Variants in NPAS3 observed in about 807,000 individuals in gnomAD.
The protein encoded by NPAS3 is neuronal PAS domain protein 3, also known as neuronal PAS domain-containing protein 3.
Under a neutral mutation model 73.1 loss-of-function variants are expected in NPAS3, and 14 were observed. That is an observed-to-expected ratio of 0.19 (90% CI 0.13 to 0.30). The LOEUF (loss-of-function observed/expected upper bound fraction) is 0.30, where lower values mean the gene tolerates loss of function less well. NPAS3 is among the 10% of genes least tolerant of loss of function. The probability of loss-of-function intolerance (pLI) is 1.00; values close to 1 mark genes in which losing one functional copy is unlikely to be tolerated. For synonymous variants in NPAS3, 620 were observed against 541.5 expected (o/e 1.14, Z -2.01); for missense variants, 1,096 against 1,250.0 (o/e 0.88, Z 1.86).
intron 2 of NPAS3, among the ~76,000 whole-genome samples, chr14:33,093,680 T>C (rs907830394): frequency 6.6e-6 from 1 of 152,178 alleles, no homozygotes. Flanking sequence ...GTATGTTTAT[T>C]GGGGCACTAT....
intron 1 of NPAS3, among the ~76,000 whole-genome samples, chr14:32,975,559 T>C (rs2037630459): frequency 1.3e-5 from 2 of 152,238 alleles, no homozygotes; most frequent in African/African-American, 4.8e-5. Context: ...TTGTTGATGT[T>C]GCCAACAAAG....
rs117252054 is a variant in NPAS3, at chr14:33,016,148, C to A, written c.51-39757C>A. Among the ~76,000 whole-genome samples the A allele has an allele frequency of 3.3e-5, 5 of 152,016 alleles. No homozygotes were observed. The South Asian group carries it at 8.3e-4, about 25-fold the overall frequency. On this transcript the variant is annotated intron_variant, in intron 1 of 11. Coordinates refer to ENST00000356141, the Ensembl canonical transcript of NPAS3. ...GAGGAAACGATGGAATAATTGAATA[C>A]CCTCAACTTAATTCTAAATTAAGGG...
At chr14:33,565,047 A>G (rs2055858295) in intron 5 of NPAS3, among the ~76,000 whole-genome samples, 1 of 152,206 alleles carries the variant, frequency 6.6e-6, no homozygotes. Flanking sequence ...GCCAGCCAGA[A>G]GGTAGCTGCA....
At chr14:32,941,309 C>CCTTCCTTCAT (rs1355187189) in intron 1 of NPAS3, among the ~76,000 whole-genome samples, 1 of 6,868 alleles carries the variant, frequency 1.5e-4, no homozygotes, top group African/African-American at 6.9e-4. Context: ...CCCTCCCTCC[C>CCTTCCTTCAT]TCCTTCCTTC....
At chr14:33,007,237 A>C (rs2039031513) in intron 1 of NPAS3, among the ~76,000 whole-genome samples, 1 of 152,218 alleles carries the variant, frequency 6.6e-6, no homozygotes, top group Non-Finnish European at 1.5e-5. Flanking sequence ...CGGCGCAAGC[A>C]TCCTGGATGC....
At position 33,223,148 on chromosome 14, in the gene NPAS3, A is replaced by G. The variant is rs146330056; in HGVS notation, c.385+7722A>G. Among the ~76,000 whole-genome samples, 908 of 152,160 alleles carry G rather than the reference A, an allele frequency of 6.0e-3. 4 individuals carry two copies. The highest frequency in any genetic ancestry group is 0.051 in the Middle Eastern group (15 of 294). On this transcript the variant is annotated intron_variant, in intron 3 of 11. Transcript: ENST00000356141. ...AACATGGTGAAACTCCATCTCTACT[A>G]AAAAATACAAAAATTAGCCAGGTGT...
chr14:33,286,871 T>C (rs1043935659), intron 3 of NPAS3, among the ~76,000 whole-genome samples: 3 of 152,146 alleles, frequency 2.0e-5, no homozygotes, highest in South Asian at 4.1e-4. Flanking sequence ...AGTGAAAATA[T>C]GATATTTCTC....
At chr14:33,630,257 C>T (rs1211523309) in intron 5 of NPAS3, among the ~76,000 whole-genome samples, 1 of 152,112 alleles carries the variant, frequency 6.6e-6, no homozygotes, top group Non-Finnish European at 1.5e-5. Flanking sequence ...GTCTCTTTTG[C>T]ACAACTTGTG....
At position 33,365,201 on chromosome 14, in the gene NPAS3, C is replaced by CAAAAAAAAAAAAAAAAA. The variant is rs371230319; in HGVS notation, c.386-1980_386-1964dup. 2.7e-4 allele frequency among the ~76,000 whole-genome samples: 12 copies of CAAAAAAAAAAAAAAAAA among 45,074 alleles called. 3 individuals are homozygous for CAAAAAAAAAAAAAAAAA. The highest frequency in any genetic ancestry group is 8.6e-4 in the African/African-American group (8 of 9,330). The allele number at this position is 45,074 out of a possible 152,430, so 29.6% of individuals were successfully genotyped here. On this transcript the variant is annotated intron_variant, in intron 3 of 11. Coordinates refer to ENST00000356141, the Ensembl canonical transcript of NPAS3. ...CAAAAGCCACCCACCCCCATAATCT[C>CAAAAAAAAAAAAAAAAA]AAAAAAAAAAAAAAAAAAAAAGGCT...
chr14:33,160,417 A>G (rs17100283), intron 2 of NPAS3, among the ~76,000 whole-genome samples: 29,943 of 149,108 alleles, frequency 0.2, 3,080 homozygotes, highest in East Asian at 0.24. Context: ...ACTCTGAATT[A>G]ATAGTTTGAT....
intron 3 of NPAS3, among the ~76,000 whole-genome samples, chr14:33,289,716 G>A (rs933884589): frequency 1.3e-5 from 2 of 152,102 alleles, no homozygotes; most frequent in South Asian, 2.1e-4. Flanking sequence ...CAGCTATTCA[G>A]GAGGCTGAGG....
chr14:33,111,168 T>C (rs1001605334), intron 2 of NPAS3, among the ~76,000 whole-genome samples: 12 of 152,164 alleles, frequency 7.9e-5, no homozygotes, highest in African/African-American at 2.9e-4. Flanking sequence ...GGGGTGATAC[T>C]CACTGAGCCA....
intron 4 of NPAS3, among the ~76,000 whole-genome samples, chr14:33,515,167 G>T (rs751113782): frequency 2.6e-5 from 4 of 152,012 alleles, no homozygotes; most frequent in Non-Finnish European, 5.9e-5. Flanking sequence ...ACATAGCATG[G>T]CTACTTCCAC....
chr14:33,229,394 CA>C (rs759126346), intron 3 of NPAS3, among the ~76,000 whole-genome samples: 5 of 152,086 alleles, frequency 3.3e-5, no homozygotes, highest in Non-Finnish European at 5.9e-5. Context: ...ATAGAAAGAT[CA>C]AAAGAGTAGC....
chr14:33,007,858 T>A (rs1162653802), intron 1 of NPAS3, among the ~76,000 whole-genome samples: 1 of 152,180 alleles, frequency 6.6e-6, no homozygotes. Flanking sequence ...TGAGTGTGGC[T>A]GTGTTCCAAT....
Position 33,358,830 on chromosome 14 carries a change from T to C in NPAS3, c.386-8356T>C, listed in dbSNP as rs2045462826. The stretch of plus-strand genomic sequence containing the variant: ...TATAAGTGGAAATAGGAGCCTGGCT[T>C]ATATCCCTAGCACCTTGGTCAACAG... On this transcript the variant is annotated intron_variant, in intron 3 of 11. Coordinates refer to ENST00000356141, the Ensembl canonical transcript of NPAS3. Among the ~76,000 whole-genome samples, 3 of 152,222 alleles carry C rather than the reference T, an allele frequency of 2.0e-5. No homozygotes were observed. The South Asian group carries it at 6.2e-4, about 32-fold the overall frequency.
intron 6 of NPAS3, among the ~76,000 whole-genome samples, chr14:33,700,098 A>T (rs1400839000): frequency 6.6e-6 from 1 of 152,100 alleles, no homozygotes; most frequent in Non-Finnish European, 1.5e-5. Context: ...TTGTTTTTTT[A>T]AAAGCAATAA....
rs536270079 is a variant in NPAS3 at position 32,939,888 on chromosome 14, G to C, written c.50+522G>C. Among the ~76,000 whole-genome samples, 4 of 152,082 alleles carry C rather than the reference G, an allele frequency of 2.6e-5. No individual in the cohort carries two copies. The East Asian group carries it at 5.9e-4, about 22-fold the overall frequency. On this transcript the variant is annotated intron_variant, in intron 1 of 11. Coordinates refer to ENST00000356141, the Ensembl canonical transcript of NPAS3. ...GAGCGCGGAGCTCGCGCCAGGCCCG[G>C]AATGTGTCGCGGAGGGGCCGGCTCC...
Position 33,544,794 on chromosome 14 carries a change from A to G in NPAS3, c.469-15327A>G, listed in dbSNP as rs1333277291. ...ATGTGTTTATGTGTGTGTATTATAT[A>G]TATATATATATATATATGTATATAT... On this transcript the variant is annotated intron_variant, in intron 4 of 11. Transcript: ENST00000356141. Among the ~76,000 whole-genome samples the G allele has an allele frequency of 9.0e-4, 97 of 107,850 alleles. 3 individuals are homozygous for G. Among genetic ancestry groups the G allele is most frequent in the South Asian group, 6.7e-3 (25 of 3,708 alleles). 70.8% of individuals were successfully genotyped at this position (107,850 alleles called of 152,430 possible).
Sources: allele counts gnomAD v4.1 joint callset (sites outside exome capture counted in the v4.1 genomes callset), GRCh38; gene constraint gnomAD v4.1.1; transcripts MANE v1.5; gene names NCBI Gene and HGNC (gene_info 2026-07-23, HGNC 2026-07-21).